The following PRKAR2B variants were observed in gnomAD, a reference collection of about 807,000 sequenced individuals.
PRKAR2B encodes the protein cAMP-dependent protein kinase type II-beta regulatory subunit.
A neutral mutation model predicts 49.9 loss-of-function variants in PRKAR2B; 14 were observed. The observed-to-expected ratio is 0.28, with a 90% CI of 0.19 to 0.44. PRKAR2B has a LOEUF of 0.44. Ranked by LOEUF, PRKAR2B falls within the 20% of genes least tolerant of loss-of-function variation. The pLI is 1.00. For synonymous variants in PRKAR2B, 196 were observed against 197.7 expected (o/e 0.99, Z 0.07); for missense variants, 393 against 537.9 (o/e 0.73, Z 2.67).
chr7:107,154,076 G>T (rs1007907260), intron 8 of PRKAR2B, among the ~76,000 whole-genome samples: 1 of 152,116 alleles, frequency 6.6e-6, no homozygotes, highest in African/African-American at 2.4e-5. Flanking sequence ...TCCCATTGCT[G>T]AGTGTGTGTG....
At chr7:107,114,340 G>A (rs1795229444) in intron 2 of PRKAR2B, among the ~76,000 whole-genome samples, 1 of 104,144 alleles carries the variant, frequency 9.6e-6, no homozygotes, top group African/African-American at 6.7e-5. Context: ...GTGTGTGTGT[G>A]TGTGTGTGTG....
Position 107,121,131 on chromosome 7 carries a change from G to A in PRKAR2B, c.344-821G>A, listed in dbSNP as rs142959515. On this transcript the variant is annotated intron_variant, in intron 2 of 10. Transcript: ENST00000265717. ...GGGGTCTTATTACATATTTTTTGTC[G>A]GACAATCGATAGGTACAATCCTTCT... 4.6e-3 allele frequency among the ~76,000 whole-genome samples: 702 copies of A among 151,130 alleles called. 4 individuals carry two copies. Among genetic ancestry groups the A allele is most frequent in the African/African-American group, 0.014 (582 of 41,238 alleles).
At chr7:107,064,854 T>C (rs145036316) in intron 1 of PRKAR2B, among the ~76,000 whole-genome samples, 5,347 of 152,300 alleles carry the variant, frequency 0.035, 141 homozygotes, top group Middle Eastern at 0.088. Context: ...AAATTATGTA[T>C]GTATTAAAAG....
At chr7:107,153,146 T>G (rs923146468) in intron 7 of PRKAR2B, 31 bp from the exon 8 acceptor site, 18 of 1,559,156 alleles carry the variant, frequency 1.2e-5, no homozygotes, top group Non-Finnish European at 1.6e-5. Context: ...TTAATTTGTT[T>G]CTATTTAATA....
chr7:107,123,873 A>G (rs537735668), intron 3 of PRKAR2B, among the ~76,000 whole-genome samples: 5 of 152,308 alleles, frequency 3.3e-5, no homozygotes, highest in South Asian at 2.1e-4. Context: ...TAGGTTATCA[A>G]TTAGGTTGAG....
chr7:107,078,212 A>AAAG (rs1554364706), intron 2 of PRKAR2B: 3 of 152,390 alleles, frequency 2.0e-5, no homozygotes, highest in African/African-American at 7.2e-5. Context: ...AAAAAAAAAA[A>AAAG]AAAAAGAAAA....
At chr7:107,070,409 A>G (rs1207837102) in intron 2 of PRKAR2B, 93 bp downstream of exon 2, 24 of 1,065,352 alleles carry the variant, frequency 2.3e-5, no homozygotes, top group Non-Finnish European at 2.9e-5. Flanking sequence ...TAATTGCTGT[A>G]TAGTAAACCT....
intron 3 of PRKAR2B, among the ~76,000 whole-genome samples, chr7:107,122,757 A>G (rs1447415293): frequency 1.3e-5 from 2 of 152,196 alleles, no homozygotes; most frequent in African/African-American, 4.8e-5. Flanking sequence ...AGAAGCAGCT[A>G]CTACGTCCCT....
intron 8 of PRKAR2B, among the ~76,000 whole-genome samples, chr7:107,154,449 A>G (rs1476211121): frequency 6.6e-6 from 1 of 152,246 alleles, no homozygotes. Context: ...TAGACCTATT[A>G]TGATTCAGAA....
At chr7:107,148,958 T>G (rs1795939539) in intron 6 of PRKAR2B, among the ~76,000 whole-genome samples, 1 of 152,234 alleles carries the variant, frequency 6.6e-6, no homozygotes, top group Admixed American at 6.5e-5. Context: ...TTCTGAGAGA[T>G]ATAACTGATT....
In PRKAR2B at chr7:107,159,853, G is replaced by A. The variant is rs191968075; in HGVS notation, c.*271G>A. On this transcript the variant is annotated 3_prime_UTR_variant, in exon 11 of 11. Transcript: ENST00000265717. ...GACTGAAAGGTTTATTAAAATGATT[G>A]TAATATATAGAAAGTATCTGTGTTT... The A allele has an allele frequency of 4.6e-5, 15 of 323,654 alleles. No individual in the cohort carries two copies. The East Asian group carries it at 8.1e-4, about 17-fold the overall frequency. The allele number at this position is 323,654 out of a possible 1,614,324, so 20.0% of individuals were successfully genotyped here.
In PRKAR2B at chr7:107,061,299, GC is replaced by G. The variant is rs1794022505; in HGVS notation, c.308-8981del. 4.6e-5 allele frequency among the ~76,000 whole-genome samples: 7 copies of G among 152,120 alleles called. 1 individual carries two copies. In the South Asian group the frequency reaches 1.5e-3, roughly 32 times the overall value. ...CTTTATTGGTAGTTTTATTGGAATTGCTTGAATTTATAAACAAAGTTGGAGA... is the reference window on the plus strand; with the variant it reads ...CTTTATTGGTAGTTTTATTGGAATTGTTGAATTTATAAACAAAGTTGGAGA... On this transcript the variant is annotated intron_variant, in intron 1 of 10. Transcript: ENST00000265717.
chr7:107,047,183 A>G (rs959899188), intron 1 of PRKAR2B, among the ~76,000 whole-genome samples: 2 of 152,224 alleles, frequency 1.3e-5, no homozygotes, highest in Non-Finnish European at 2.9e-5. Context: ...CAATTTGATC[A>G]TTATCCAGGA....
At position 107,045,102 on chromosome 7, in the gene PRKAR2B, C is replaced by G; in HGVS notation, c.195C>G (p.Ala65=). The G allele has an allele frequency of 6.5e-7, 1 of 1,528,224 alleles. No individual in the cohort carries two copies. Among genetic ancestry groups the G allele is most frequent in the Non-Finnish European group, 8.8e-7 (1 of 1,140,314 alleles). The allele number at this position is 1,528,224 out of a possible 1,614,324, so 94.7% of individuals were successfully genotyped here. Residue 65 remains alanine, a synonymous_variant, in exon 1 of 11, where the codon GCC becomes GCG. Coordinates refer to ENST00000265717, the MANE Select transcript of PRKAR2B (RefSeq NM_002736.3). ...GRTWGDLGAA[A]GGGTPSKGVN... is the part of the protein sequence containing the mutation. ...CCTGGGGGGACCTGGGCGCCGCTGCCGGGGGCGGCACCCCCAGCAAGGGGG... is the reference window on the plus strand; with the variant it reads ...CCTGGGGGGACCTGGGCGCCGCTGCGGGGGGCGGCACCCCCAGCAAGGGGG...
At chr7:107,151,916 A>G (rs1474338694) in intron 7 of PRKAR2B, among the ~76,000 whole-genome samples, 2 of 152,246 alleles carry the variant, frequency 1.3e-5, no homozygotes, top group Non-Finnish European at 2.9e-5. Context: ...TGTACTGTCC[A>G]TATATTGATG....
chr7:107,045,041 G>T lies in PRKAR2B; in HGVS notation c.134G>T (p.Arg45Leu). ...HFTRLQQENERKGTARFGHEG... is the reference protein window; with the variant it reads ...HFTRLQQENELKGTARFGHEG... ...ACCCGCCTGCAGCAGGAGAACGAGC[G>T]CAAAGGCACCGCGCGCTTCGGCCAT... The change falls in exon 1 of 11, where the codon CGC becomes CTC. Residue 45 changes from arginine (R) to leucine (L), a missense_variant. This residue lies in a region of PRKAR2B where 160 missense variants were observed against 147.6 expected (regional missense o/e 1.08). Transcript: ENST00000265717. 1 of 1,548,390 alleles carries T rather than the reference G, an allele frequency of 6.5e-7. No individual in the cohort carries two copies. The highest frequency in any genetic ancestry group is 2.4e-5 in the East Asian group (1 of 41,436).
intron 1 of PRKAR2B, among the ~76,000 whole-genome samples, chr7:107,068,099 C>T (rs910793026): frequency 2.0e-5 from 3 of 152,054 alleles, no homozygotes; most frequent in Non-Finnish European, 2.9e-5. Context: ...CAAAATTGCC[C>T]CCACAAATTT....
intron 2 of PRKAR2B, among the ~76,000 whole-genome samples, chr7:107,112,903 T>A (rs1795202368): frequency 6.6e-6 from 1 of 152,162 alleles, no homozygotes; most frequent in Admixed American, 6.5e-5. Context: ...GAGGCTTGAT[T>A]GAAATATGTT....
intron 2 of PRKAR2B, among the ~76,000 whole-genome samples, chr7:107,121,036 AATT>A (rs1795377282): frequency 6.6e-6 from 1 of 150,870 alleles, no homozygotes; most frequent in South Asian, 2.1e-4. Flanking sequence ...TTTTTTAAAA[AATT>A]TTAAATTATT....
Sources: allele counts gnomAD v4.1 joint callset (sites outside exome capture counted in the v4.1 genomes callset), GRCh38; gene constraint gnomAD v4.1.1; regional missense constraint gnomAD v4.1.1; transcripts MANE v1.5; gene names NCBI Gene and HGNC (gene_info 2026-07-23, HGNC 2026-07-21).